PPP1R1C: variants seen among roughly 807,000 people sequenced by gnomAD.
PPP1R1C encodes the protein protein phosphatase 1 regulatory subunit 1C.
Under a neutral mutation model 17.4 loss-of-function variants are expected in PPP1R1C, and 15 were observed. That is an observed-to-expected ratio of 0.86 (90% CI 0.58 to 1.33). PPP1R1C has a LOEUF of 1.33. Among genes scored for constraint, PPP1R1C ranks in the 40% most tolerant of loss-of-function variants. The pLI, the probability that PPP1R1C is intolerant of heterozygous loss-of-function variation, is 0.00. For missense variants in PPP1R1C, 143 were observed against 130.0 expected (o/e 1.10, Z -0.48); for synonymous variants, 35 against 43.1 (o/e 0.81, Z 0.73).
chr2:181,972,799 T>G (rs879360119), intron 1 of PPP1R1C, among the ~76,000 whole-genome samples: 12 of 152,204 alleles, frequency 7.9e-5, no homozygotes, highest in Admixed American at 7.9e-4. Flanking sequence ...TGAGCTAAAC[T>G]GATTTCCTTA....
At position 182,065,233 on chromosome 2, in the gene PPP1R1C, A is replaced by G. The variant is rs111999839; in HGVS notation, c.241+1442A>G. On this transcript the variant is annotated intron_variant, in intron 4 of 4. Coordinates refer to ENST00000682840, the MANE Select transcript of PPP1R1C (RefSeq NM_001080545.3). The stretch of plus-strand genomic sequence containing the variant: ...AAAGCACAGTAATTGTTTCAAGAGG[A>G]TATCAGGGTATTACTACAAGTCACA... Among the ~76,000 whole-genome samples, 798 of 152,218 alleles carry G rather than the reference A, an allele frequency of 5.2e-3. 2 individuals carry two copies. The highest frequency in any genetic ancestry group is 9.6e-3 in the Admixed American group (147 of 15,280).
chr2:182,077,581 T>C (rs573618776), intron 4 of PPP1R1C, among the ~76,000 whole-genome samples: 12 of 152,342 alleles, frequency 7.9e-5, no homozygotes, highest in Middle Eastern at 3.4e-3. Context: ...CACGTAATTA[T>C]GTAATTACTC....
intron 4 of PPP1R1C, among the ~76,000 whole-genome samples, chr2:182,099,701 G>T (rs951773751): frequency 2.6e-5 from 4 of 152,180 alleles, no homozygotes; most frequent in Admixed American, 6.5e-5. Flanking sequence ...ATTTTTCTTT[G>T]CTATGTTTCC....
At chr2:182,066,968 T>TTTGTG (rs1559079296) in intron 4 of PPP1R1C, among the ~76,000 whole-genome samples, 34 of 144,822 alleles carry the variant, frequency 2.3e-4, no homozygotes, top group Middle Eastern at 6.9e-3. Flanking sequence ...GTGTGTGTGT[T>TTTGTG]TGTGTGTGTG....
chr2:182,109,230 G>T (rs562033024), intron 4 of PPP1R1C, among the ~76,000 whole-genome samples: 5 of 152,076 alleles, frequency 3.3e-5, no homozygotes, highest in Admixed American at 3.3e-4. Flanking sequence ...TCCTTTGTAT[G>T]TTTTGGATAG....
At chr2:182,063,848 C>T (rs1002320970) in intron 4 of PPP1R1C, 57 bp downstream of exon 4, 26 of 1,310,762 alleles carry the variant, frequency 2.0e-5, no homozygotes, top group Middle Eastern at 1.8e-4. Context: ...GCTGGTCGGC[C>T]GTCTGTTCTC....
At chr2:181,991,538 G>A (rs1685473194) in intron 2 of PPP1R1C, among the ~76,000 whole-genome samples, 1 of 152,048 alleles carries the variant, frequency 6.6e-6, no homozygotes, top group Non-Finnish European at 1.5e-5. Context: ...GTGTCTTTAG[G>A]GTAGAAAAAG....
chr2:182,009,015 G>C (rs1231665072), intron 2 of PPP1R1C, among the ~76,000 whole-genome samples: 1 of 152,000 alleles, frequency 6.6e-6, no homozygotes, highest in Non-Finnish European at 1.5e-5. Context: ...ATCACATTTT[G>C]TTATCCATTC....
chr2:182,131,152 GT>G (rs1689998306), downstream of PPP1R1C: 1 of 151,934 alleles, frequency 6.6e-6, no homozygotes, highest in African/African-American at 2.4e-5. Flanking sequence ...TAATCTCCTT[GT>G]TTTCTTTCAT....
chr2:182,088,800 C>A (rs1196151), intron 4 of PPP1R1C, among the ~76,000 whole-genome samples: 104,023 of 152,098 alleles, frequency 0.68, 36,345 homozygotes, highest in African/African-American at 0.82. Flanking sequence ...TAATACAAAC[C>A]AATTTGCTAA....
intron 5 of PPP1R1C, among the ~76,000 whole-genome samples, chr2:182,124,933 G>T (rs1414468963): frequency 6.6e-6 from 1 of 152,058 alleles, no homozygotes; most frequent in Non-Finnish European, 1.5e-5. Flanking sequence ...ATACTATGTT[G>T]AATAGGAGTG....
chr2:182,026,928 C>T (rs1686634527), intron 2 of PPP1R1C, among the ~76,000 whole-genome samples: 1 of 138,556 alleles, frequency 7.2e-6, no homozygotes, highest in Non-Finnish European at 1.6e-5. Flanking sequence ...TCCTTCACAT[C>T]CCTTGTAAGT....
intron 4 of PPP1R1C, among the ~76,000 whole-genome samples, chr2:182,100,299 CAA>C (rs375479615): frequency 2.0e-3 from 306 of 152,056 alleles, no homozygotes; most frequent in South Asian, 0.01. Flanking sequence ...ATCACGAGGT[CAA>C]GAGATTGAGA....
At chr2:182,054,579 TC>T (rs1687625794) in intron 2 of PPP1R1C, among the ~76,000 whole-genome samples, 1 of 152,082 alleles carries the variant, frequency 6.6e-6, no homozygotes, top group Non-Finnish European at 1.5e-5. Context: ...CTTTTTTTTT[TC>T]ACTCAACATA....
chr2:182,005,090 T>G (rs1351926281), intron 2 of PPP1R1C, among the ~76,000 whole-genome samples: 3 of 152,198 alleles, frequency 2.0e-5, no homozygotes, highest in Non-Finnish European at 2.9e-5. Context: ...TTATTAGATG[T>G]TTTTAGAGTA....
intron 4 of PPP1R1C, among the ~76,000 whole-genome samples, chr2:182,094,667 A>G (rs1418086892): frequency 3.3e-5 from 5 of 152,210 alleles, no homozygotes; most frequent in African/African-American, 9.6e-5. Flanking sequence ...ATTTTGCCCA[A>G]CTGTAGGCTA....
At position 181,956,825 on chromosome 2, in the gene PPP1R1C, AG is replaced by A. The variant is rs559625134; in HGVS notation, n.111+2192del. On this transcript the variant is annotated intron_variant and non_coding_transcript_variant, in intron 1 of 5. Transcript: ENST00000464264. ...CATGTGTTTAAAAAATGGCAATTTC[AG>A]ATTATTTTAGATACTGTAAGTAAAT... Among the ~76,000 whole-genome samples the A allele has an allele frequency of 1.7e-4, 26 of 152,340 alleles. No homozygotes were observed. The South Asian group carries it at 3.5e-3, about 21-fold the overall frequency.
intron 4 of PPP1R1C, among the ~76,000 whole-genome samples, chr2:182,106,074 A>G (rs182516032): frequency 2.6e-5 from 4 of 152,202 alleles, no homozygotes; most frequent in East Asian, 3.9e-4. Flanking sequence ...GTGTGTTTTC[A>G]TATCATTTTC....
At chr2:182,006,632 T>A (rs1484186679) in intron 2 of PPP1R1C, among the ~76,000 whole-genome samples, 2 of 152,226 alleles carry the variant, frequency 1.3e-5, no homozygotes, top group Non-Finnish European at 2.9e-5. Flanking sequence ...TTTTAACAAC[T>A]GTCTTAAGTT....
Sources: allele counts gnomAD v4.1 joint callset (sites outside exome capture counted in the v4.1 genomes callset), GRCh38; gene constraint gnomAD v4.1.1; transcripts MANE v1.5; gene names NCBI Gene and HGNC (gene_info 2026-07-23, HGNC 2026-07-21).